ZNF554: variants seen among roughly 807,000 people sequenced by gnomAD.
ZNF554 encodes zinc finger protein 554.
In ZNF554, 15 loss-of-function variants were observed where a neutral mutation model predicts 21.2. The ratio of observed to expected loss-of-function variants is 0.71; its 90% CI spans 0.47 to 1.09. The LOEUF (loss-of-function observed/expected upper bound fraction) is 1.09, where lower values mean the gene tolerates loss of function less well. Ranked by LOEUF, ZNF554 falls within the 50% of genes least tolerant of loss-of-function variation. The pLI is 0.00. For missense variants in ZNF554, 691 were observed against 662.7 expected (o/e 1.04, Z -0.47); for synonymous variants, 258 against 251.4 (o/e 1.03, Z -0.25).
chr19:2,830,321 A>G (rs1244926705), intron 3 of ZNF554, among the ~76,000 whole-genome samples: 3 of 152,176 alleles, frequency 2.0e-5, no homozygotes, highest in Non-Finnish European at 4.4e-5. Context: ...GTGTTCATTT[A>G]CATTGTAGCC....
chr19:2,825,003 GT>G (rs140025750), intron 2 of ZNF554, among the ~76,000 whole-genome samples: 48,774 of 97,080 alleles, frequency 0.5, 7,968 homozygotes, highest in Middle Eastern at 0.62. Context: ...GATTGCAGTT[GT>G]TTTTTTTTTT....
intron 2 of ZNF554, among the ~76,000 whole-genome samples, chr19:2,825,801 A>G (rs2087324263): frequency 6.6e-6 from 1 of 152,118 alleles, no homozygotes. Context: ...GGTGGACTGA[A>G]GCGAGTCCAT....
chr19:2,826,106 G>A (rs2087328433), intron 2 of ZNF554: 1 of 151,560 alleles, frequency 6.6e-6, no homozygotes, highest in Admixed American at 6.6e-5. Flanking sequence ...CTCCATATTG[G>A]TCAGGCTGGT....
In ZNF554 at chr19:2,821,111, A is replaced by G. The variant is rs1448660372; in HGVS notation, c.53+987A>G. Among the ~76,000 whole-genome samples the G allele has an allele frequency of 6.7e-6, 1 of 149,220 alleles. No homozygotes were observed. The highest frequency in any genetic ancestry group is 1.5e-5 in the Non-Finnish European group (1 of 67,548). On this transcript the variant is annotated intron_variant, in intron 1 of 4. Coordinates refer to ENST00000317243, the MANE Select transcript of ZNF554 (RefSeq NM_001102651.2). The surrounding 1 kb of genome is among the most constrained non-coding windows in gnomAD (Gnocchi z 8.2). ...TTTTCTTCTTCTTTTTTTTTTCTTG[A>G]GACAGTCTCGCCCTATTGCCCAGGC... is the stretch of plus-strand genomic sequence containing the variant.
At chr19:2,833,145 T>C (rs557697050) in intron 4 of ZNF554, 1 of 123,110 alleles carries the variant, frequency 8.1e-6, no homozygotes, top group African/African-American at 2.8e-5. Flanking sequence ...GTAATTTCTT[T>C]CTTTTTTTTT....
rs2087498236 is a variant in ZNF554 at position 2,836,524 on chromosome 19, A to T, written c.*1672A>T. Among the ~76,000 whole-genome samples, 1 of 152,236 alleles carries T rather than the reference A, an allele frequency of 6.6e-6. No homozygotes were observed. Among genetic ancestry groups the T allele is most frequent in the Non-Finnish European group, 1.5e-5 (1 of 68,034 alleles). The stretch of plus-strand genomic sequence containing the variant: ...AGTTTAAAAAATACAAGGGCTTCAA[A>T]ATAGTACTAGTAATTTGATCCATTC... On this transcript the variant is annotated 3_prime_UTR_variant, in exon 5 of 5. Coordinates refer to ENST00000317243, the MANE Select transcript of ZNF554 (RefSeq NM_001102651.2).
rs191585368 is a variant in ZNF554, at chr19:2,821,310, C to T, written c.53+1186C>T. Among the ~76,000 whole-genome samples the T allele has an allele frequency of 1.3e-3, 203 of 151,934 alleles. 3 individuals are homozygous for T. In the South Asian group the frequency reaches 0.017, roughly 13 times the overall value. On this transcript the variant is annotated intron_variant, in intron 1 of 4. Coordinates refer to ENST00000317243, the MANE Select transcript of ZNF554 (RefSeq NM_001102651.2). The surrounding 1 kb of genome is among the most constrained non-coding windows in gnomAD (Gnocchi z 8.2). Reference sequence around the variant, plus strand: ...CCATGTTGGCCAGCCAGGCTGGTATCGAACTCCTGACCTCAGGTGATCCAC... The same window carrying T: ...CCATGTTGGCCAGCCAGGCTGGTATTGAACTCCTGACCTCAGGTGATCCAC...
chr19:2,821,121 G>A lies in ZNF554; in HGVS notation c.53+997G>A, dbSNP rs2087257632. 1.3e-5 allele frequency among the ~76,000 whole-genome samples: 2 copies of A among 149,594 alleles called. No homozygotes were observed. Among genetic ancestry groups the A allele is most frequent in the African/African-American group, 5.0e-5 (2 of 40,290 alleles). On this transcript the variant is annotated intron_variant, in intron 1 of 4. Coordinates refer to ENST00000317243, the MANE Select transcript of ZNF554 (RefSeq NM_001102651.2). This position sits in a 1 kb window ranked among gnomAD's most constrained non-coding sequence, Gnocchi z 8.2. ...CTTTTTTTTTTCTTGAGACAGTCTC[G>A]CCCTATTGCCCAGGCTGGAGTGCAG...
Position 2,821,730 on chromosome 19 carries a change from G to T in ZNF554, c.54-1310G>T, listed in dbSNP as rs186600066. 1.3e-5 allele frequency among the ~76,000 whole-genome samples: 2 copies of T among 150,930 alleles called. No individual in the cohort carries two copies. Among genetic ancestry groups the T allele is most frequent in the Non-Finnish European group, 3.0e-5 (2 of 67,718 alleles). On this transcript the variant is annotated intron_variant, in intron 1 of 4. Coordinates refer to ENST00000317243, the MANE Select transcript of ZNF554 (RefSeq NM_001102651.2). The surrounding 1 kb of genome is among the most constrained non-coding windows in gnomAD (Gnocchi z 8.2). Reference sequence around the variant, plus strand: ...TCACCTGGCTGGAGTGCAGTGGCACGATCTCGGCTCACTGCAATCTCTACC... The same window carrying T: ...TCACCTGGCTGGAGTGCAGTGGCACTATCTCGGCTCACTGCAATCTCTACC...
intron 1 of ZNF554, 37 bp from the exon 2 acceptor site, chr19:2,823,003 G>A: frequency 6.2e-7 from 1 of 1,604,470 alleles, no homozygotes; most frequent in Non-Finnish European, 8.5e-7. Flanking sequence ...GGACTGGCCT[G>A]GATCTGGTAT....
intron 2 of ZNF554, among the ~76,000 whole-genome samples, chr19:2,823,490 G>A (rs1371993185): frequency 6.6e-6 from 1 of 152,142 alleles, no homozygotes; most frequent in Admixed American, 6.5e-5. Flanking sequence ...AGAGGATTGA[G>A]CAGCTCCTCC....
chr19:2,823,419 G>A (rs969768368), intron 2 of ZNF554, among the ~76,000 whole-genome samples: 1 of 152,158 alleles, frequency 6.6e-6, no homozygotes, highest in Non-Finnish European at 1.5e-5. Flanking sequence ...CATCCAAGAA[G>A]AATGAGGTAT....
intron 4 of ZNF554, 105 bp from the exon 5 acceptor site, chr19:2,833,576 C>T: frequency 1.1e-6 from 1 of 899,736 alleles, no homozygotes; most frequent in Non-Finnish European, 1.6e-6. Context: ...ATTTGAACAT[C>T]AGTCCGCACA....
intron 3 of ZNF554, among the ~76,000 whole-genome samples, chr19:2,829,645 T>TA (rs1188119187): frequency 6.6e-5 from 10 of 151,900 alleles, no homozygotes; most frequent in Non-Finnish European, 1.2e-4. Context: ...GTCAAAAAAA[T>TA]AAAAAAAGTA....
intron 2 of ZNF554, among the ~76,000 whole-genome samples, chr19:2,823,833 A>G (rs1057135488): frequency 6.6e-6 from 1 of 152,066 alleles, no homozygotes; most frequent in Non-Finnish European, 1.5e-5. Context: ...GAGGGGAGGA[A>G]GTGTGTGCCG....
intron 1 of ZNF554, 28 bp downstream of exon 1, chr19:2,820,152 A>G: frequency 1.6e-6 from 2 of 1,218,064 alleles, no homozygotes; most frequent in Non-Finnish European, 2.0e-6. Flanking sequence ...CCGCGCCGCG[A>G]CCTCCGTGCC....
Position 2,821,534 on chromosome 19 carries a change from G to A in ZNF554, c.53+1410G>A, listed in dbSNP as rs1268766786. Among the ~76,000 whole-genome samples, 1 of 151,926 alleles carries A rather than the reference G, an allele frequency of 6.6e-6. No homozygotes were observed. The highest frequency in any genetic ancestry group is 2.1e-4 in the South Asian group (1 of 4,834). On this transcript the variant is annotated intron_variant, in intron 1 of 4. Transcript: ENST00000317243. This position sits in a 1 kb window ranked among gnomAD's most constrained non-coding sequence, Gnocchi z 8.2. ...GTGCTTCTGAAGGCTCTGGCGGGAG[G>A]ATCTTCTCTGTCTCTTCCAGCTTCT...
chr19:2,820,721 A>G (rs1350080604), intron 1 of ZNF554, among the ~76,000 whole-genome samples: 2 of 92,090 alleles, frequency 2.2e-5, no homozygotes, highest in East Asian at 3.6e-4. Flanking sequence ...CTGGAGTGCA[A>G]TGGCATGATC....
At chr19:2,831,219 A>T (rs2087411989) in intron 3 of ZNF554, 1 of 151,980 alleles carries the variant, frequency 6.6e-6, no homozygotes, top group African/African-American at 2.4e-5. Flanking sequence ...TTTGATATGC[A>T]TTCCCCTAAT....
Sources: allele counts gnomAD v4.1 joint callset (sites outside exome capture counted in the v4.1 genomes callset), GRCh38; gene constraint gnomAD v4.1.1; non-coding constraint Gnocchi (gnomAD v3.1); transcripts MANE v1.5; gene names NCBI Gene and HGNC (gene_info 2026-07-23, HGNC 2026-07-21).